The following EBF3 variants were observed in gnomAD, a reference collection of about 807,000 sequenced individuals.
The protein encoded by EBF3 is EBF transcription factor 3, also known as transcription factor COE3.
Under a neutral mutation model 77.1 loss-of-function variants are expected in EBF3, and 18 were observed. The ratio of observed to expected loss-of-function variants is 0.23; its 90% CI spans 0.16 to 0.35. The LOEUF is 0.35. Ranked by LOEUF, EBF3 falls within the 10% of genes least tolerant of loss-of-function variation. The pLI, the probability that EBF3 is intolerant of heterozygous loss-of-function variation, is 1.00. For synonymous variants in EBF3, 350 were observed against 343.5 expected (o/e 1.02, Z -0.21); for missense variants, 558 against 860.0 (o/e 0.65, Z 4.39).
chr10:129,854,723 TTG>T (rs1284333872), intron 10 of EBF3, among the ~76,000 whole-genome samples: 3 of 152,180 alleles, frequency 2.0e-5, no homozygotes, highest in African/African-American at 7.2e-5. Context: ...TCAAGATGAG[TTG>T]TGTTTTCCTC....
At chr10:129,850,438 CT>C (rs1313040416) in intron 10 of EBF3, among the ~76,000 whole-genome samples, 6 of 152,178 alleles carry the variant, frequency 3.9e-5, no homozygotes. Flanking sequence ...CCCCTTTCAC[CT>C]CTCAGTTCAG....
chr10:129,923,683 A>G (rs1484982004), intron 6 of EBF3, among the ~76,000 whole-genome samples: 1 of 152,264 alleles, frequency 6.6e-6, no homozygotes, highest in Non-Finnish European at 1.5e-5. Context: ...ACCCAAAACC[A>G]TAAAACTCTT....
In EBF3 at chr10:129,922,995, C is replaced by A. The variant is rs369697637; in HGVS notation, c.554+34263G>T. Reference sequence around the variant, plus strand: ...GGCCCTGGAGTCAGCTGTGTGCCTGCCCCTCTCCGGGTCTCGGCTTCTCTC... The same window carrying A: ...GGCCCTGGAGTCAGCTGTGTGCCTGACCCTCTCCGGGTCTCGGCTTCTCTC... On this transcript the variant is annotated intron_variant, in intron 6 of 16. Transcript: ENST00000440978. Among the ~76,000 whole-genome samples, 199 of 152,334 alleles carry A rather than the reference C, an allele frequency of 1.3e-3. 1 individual carries two copies. The highest frequency in any genetic ancestry group is 4.4e-3 in the African/African-American group (184 of 41,568).
At chr10:129,911,458 C>A (rs762149543) in intron 6 of EBF3, among the ~76,000 whole-genome samples, 22 of 152,188 alleles carry the variant, frequency 1.4e-4, no homozygotes, top group Non-Finnish European at 2.8e-4. Flanking sequence ...CATTCGCCCT[C>A]CCCTATCCAT....
At chr10:129,910,149 T>G (rs1855427736) in intron 6 of EBF3, among the ~76,000 whole-genome samples, 1 of 152,206 alleles carries the variant, frequency 6.6e-6, no homozygotes, top group South Asian at 2.1e-4. Flanking sequence ...CCAGGGGCCA[T>G]GTGGGGCAGA....
At chr10:129,926,853 C>CA (rs1169488878) in intron 6 of EBF3, among the ~76,000 whole-genome samples, 1 of 152,176 alleles carries the variant, frequency 6.6e-6, no homozygotes, top group Non-Finnish European at 1.5e-5. Flanking sequence ...CTGCCCACCC[C>CA]ACGTGGAGGC....
chr10:129,857,055 G>A (rs1267324981), intron 10 of EBF3, among the ~76,000 whole-genome samples: 2 of 152,262 alleles, frequency 1.3e-5, no homozygotes, highest in Middle Eastern at 3.4e-3. Flanking sequence ...GTGGGGAATC[G>A]ATTCCCATTC....
rs376569114 is a variant in EBF3 at position 129,867,094 on chromosome 10, A to G, written c.1039+47T>C. ...CCCTCATGAGCACCTCCTGGTGGGG[A>G]GGAGGCCTCTACCGCTTTCCCGCAG... On this transcript the variant is annotated intron_variant, in intron 10 of 16. Coordinates refer to ENST00000440978, the MANE Select transcript of EBF3 (RefSeq NM_001375380.1). 5 of 1,591,178 alleles carry G rather than the reference A, an allele frequency of 3.1e-6. No homozygotes were observed. The African/African-American group carries it at 5.4e-5, about 17-fold the overall frequency.
At position 129,841,348 on chromosome 10, in the gene EBF3, G is replaced by A. The variant is rs1317644518; in HGVS notation, c.1373-316C>T. 2.0e-5 allele frequency among the ~76,000 whole-genome samples: 3 copies of A among 152,132 alleles called. No individual in the cohort carries two copies. Among genetic ancestry groups the A allele is most frequent in the African/African-American group, 4.8e-5 (2 of 41,420 alleles). On this transcript the variant is annotated intron_variant, in intron 13 of 16. Transcript: ENST00000440978. The surrounding 1 kb of genome is among the most constrained non-coding windows in gnomAD (Gnocchi z 4.6). ...TTGGATTCCTGGTCTGTCCCCCCAC[G>A]CTCTGTGAACTTTCGGCCTCTGTAG...
chr10:129,963,508 C>A lies in EBF3; in HGVS notation c.150G>T (p.Ala50=). Reference sequence around the variant, plus strand: ...GCGGCTGCTTCTCGAAGTGCGCCCGCGCCAGCCCCACGCCGCTGCGGGAGG... The same window carrying A: ...GCGGCTGCTTCTCGAAGTGCGCCCGAGCCAGCCCCACGCCGCTGCGGGAGG... The part of the protein sequence containing the change: ...NTAAQSGVGL[A]RAHFEKQPPS... The change falls in exon 2 of 17, where the codon GCG becomes GCT. Residue 50 remains alanine (A), a synonymous_variant. Coordinates refer to ENST00000440978, the MANE Select transcript of EBF3 (RefSeq NM_001375380.1). The surrounding 1 kb of genome is among the most constrained non-coding windows in gnomAD (Gnocchi z 7.1). The A allele has an allele frequency of 6.4e-7, 1 of 1,560,226 alleles. No homozygotes were observed.
intron 7 of EBF3, among the ~76,000 whole-genome samples, chr10:129,877,137 C>T (rs1050084002): frequency 1.3e-5 from 2 of 152,030 alleles, no homozygotes; most frequent in African/African-American, 4.8e-5. Context: ...GGAGTATTCC[C>T]AAAAGGTTGC....
intron 10 of EBF3, among the ~76,000 whole-genome samples, chr10:129,859,838 C>T (rs114525457): frequency 6.8e-6 from 1 of 147,130 alleles, no homozygotes; most frequent in African/African-American, 2.5e-5. Context: ...GCTTGAGGCA[C>T]TGGTAACTTA....
At chr10:129,912,079 G>A (rs2134298561) in intron 6 of EBF3, among the ~76,000 whole-genome samples, 1 of 152,298 alleles carries the variant, frequency 6.6e-6, no homozygotes, top group Admixed American at 6.5e-5. Flanking sequence ...GCTCCCGCTA[G>A]GACCCACAGG....
chr10:129,936,224 G>T (rs2134453296), intron 6 of EBF3, among the ~76,000 whole-genome samples: 1 of 152,300 alleles, frequency 6.6e-6, no homozygotes, highest in East Asian at 1.9e-4. Flanking sequence ...TAAAAGTCAG[G>T]CCCAGGGAAG....
At chr10:129,960,099 G>C (rs1589965727) in intron 4 of EBF3, among the ~76,000 whole-genome samples, 2 of 138,162 alleles carry the variant, frequency 1.4e-5, no homozygotes, top group African/African-American at 5.3e-5. Context: ...CTGGCCTCGC[G>C]AAAAAACAGA....
chr10:129,852,807 C>G (rs754228874), intron 10 of EBF3, among the ~76,000 whole-genome samples: 1 of 152,172 alleles, frequency 6.6e-6, no homozygotes, highest in Non-Finnish European at 1.5e-5. Flanking sequence ...AAATCCAGTT[C>G]CTGCACCAAA....
chr10:129,956,501 G>A (rs1334045041), intron 6 of EBF3, among the ~76,000 whole-genome samples: 1 of 152,142 alleles, frequency 6.6e-6, no homozygotes, highest in East Asian at 1.9e-4. Flanking sequence ...GGGCGAGGAG[G>A]GTGGTGGTGT....
At chr10:129,946,517 A>AT (rs1351060257) in intron 6 of EBF3, among the ~76,000 whole-genome samples, 2 of 152,148 alleles carry the variant, frequency 1.3e-5, no homozygotes, top group Non-Finnish European at 2.9e-5. Context: ...GCCTCGCTTT[A>AT]TTCACAATCA....
chr10:129,873,080 C>T (rs536447311), intron 8 of EBF3, among the ~76,000 whole-genome samples: 1 of 152,328 alleles, frequency 6.6e-6, no homozygotes, highest in South Asian at 2.1e-4. Context: ...GCTGACTGGA[C>T]CAGGATGTAA....
Sources: allele counts gnomAD v4.1 joint callset (sites outside exome capture counted in the v4.1 genomes callset), GRCh38; gene constraint gnomAD v4.1.1; non-coding constraint Gnocchi (gnomAD v3.1); transcripts MANE v1.5; gene names NCBI Gene and HGNC (gene_info 2026-07-23, HGNC 2026-07-21).